HLCS: variants seen among roughly 807,000 people sequenced by gnomAD.
The protein encoded by HLCS is biotin--protein ligase.
In HLCS, 53 loss-of-function variants were observed where a neutral mutation model predicts 75.0. The ratio of observed to expected loss-of-function variants is 0.71; its 90% CI spans 0.57 to 0.89. The LOEUF (loss-of-function observed/expected upper bound fraction) is 0.89, where lower values mean the gene tolerates loss of function less well. Among genes scored for constraint, HLCS ranks in the 40% least tolerant of loss-of-function variants. HLCS has a pLI of 0.00. For synonymous variants in HLCS, 431 were observed against 428.6 expected (o/e 1.01, Z -0.07); for missense variants, 966 against 1,074.0 (o/e 0.90, Z 1.41).
intron 6 of HLCS, among the ~76,000 whole-genome samples, chr21:36,884,041 C>T (rs2064343769): frequency 6.6e-6 from 1 of 152,202 alleles, no homozygotes. Context: ...TTCACATGGT[C>T]ACCCAGACCC....
chr21:36,873,141 CAG>C (rs1296764567), intron 6 of HLCS, among the ~76,000 whole-genome samples: 1 of 151,014 alleles, frequency 6.6e-6, no homozygotes, highest in Non-Finnish European at 1.5e-5. Context: ...TTGTTTGAGA[CAG>C]AGTCTCGCTC....
intron 6 of HLCS, among the ~76,000 whole-genome samples, chr21:36,875,784 T>C (rs915445301): frequency 6.6e-6 from 1 of 152,204 alleles, no homozygotes; most frequent in African/African-American, 2.4e-5. Flanking sequence ...AAGAGAGCTG[T>C]AACACAAACA....
At chr21:36,766,942 C>T (rs1400929584) in intron 7 of HLCS, among the ~76,000 whole-genome samples, 2 of 152,178 alleles carry the variant, frequency 1.3e-5, no homozygotes, top group African/African-American at 4.8e-5. Context: ...ATTGGAAAGC[C>T]CGGAATTCAT....
chr21:36,858,339 A>T (rs1350265139), intron 6 of HLCS, among the ~76,000 whole-genome samples: 1 of 152,114 alleles, frequency 6.6e-6, no homozygotes, highest in Non-Finnish European at 1.5e-5. Context: ...CTAGCTAAAC[A>T]TTACTTGAAA....
At chr21:36,789,594 A>T (rs1228544357) in intron 6 of HLCS, among the ~76,000 whole-genome samples, 1 of 152,202 alleles carries the variant, frequency 6.6e-6, no homozygotes, top group Non-Finnish European at 1.5e-5. Context: ...CCATGGTTGG[A>T]AGTGTACAGG....
rs182296246 is a variant in HLCS at position 36,936,860 on chromosome 21, A to G, written c.1026T>C (p.Tyr342=). 6.2e-7 allele frequency: 1 copy of G among 1,614,180 alleles called. No homozygotes were observed. The highest frequency in any genetic ancestry group is 2.2e-5 in the East Asian group (1 of 44,864). ...VLADCVDIDS[Y]ILYHLLEDSA... The stretch of plus-strand genomic sequence containing the variant: ...TGTCCTCCAGCAGGTGGTAGAGAAT[A>G]TAACTGTCAATGTCCACACAGTCGG... Residue 342 remains tyrosine (Y), a synonymous_variant, in exon 4 of 11, where the codon TAT becomes TAC. Coordinates refer to ENST00000674895, the MANE Select transcript of HLCS (RefSeq NM_001352514.2).
chr21:36,839,346 G>C (rs2062536277), intron 6 of HLCS, among the ~76,000 whole-genome samples: 1 of 151,204 alleles, frequency 6.6e-6, no homozygotes, highest in Non-Finnish European at 1.5e-5. Flanking sequence ...ATCTTCTTTG[G>C]AGTCACATGC....
In HLCS at chr21:36,981,395, C is replaced by CTTTTTTTT. The variant is rs11328067; in HGVS notation, c.-393+8755_-393+8762dup. ...ATTAATCTATTAACTCTTAACCTTC[C>CTTTTTTTT]TTTTTTTTTTTTTTTTTTTTTTTGA... On this transcript the variant is annotated intron_variant, in intron 1 of 11. Transcript: ENST00000336648. Among the ~76,000 whole-genome samples the CTTTTTTTT allele has an allele frequency of 1.3e-4, 12 of 91,298 alleles. 1 individual carries two copies. The highest frequency in any genetic ancestry group is 7.1e-4 in the East Asian group (2 of 2,814). 59.9% of individuals were successfully genotyped at this position (91,298 alleles called of 152,430 possible). A position where few individuals can be genotyped will look rare whatever the true frequency, so the allele number is the denominator to read the frequency against.
chr21:36,862,797 G>A (rs2063424298), intron 6 of HLCS, among the ~76,000 whole-genome samples: 1 of 152,116 alleles, frequency 6.6e-6, no homozygotes, highest in African/African-American at 2.4e-5. Flanking sequence ...CCTGGAAGGG[G>A]AAGGAAGAGG....
intron 6 of HLCS, among the ~76,000 whole-genome samples, chr21:36,837,592 C>CAA (rs1327657829): frequency 1.1e-4 from 17 of 152,082 alleles, no homozygotes; most frequent in Admixed American, 1.1e-3. Context: ...TCTTTAATAT[C>CAA]AAACTCACAA....
intron 1 of HLCS, among the ~76,000 whole-genome samples, chr21:36,962,919 C>A (rs762230092): frequency 3.9e-5 from 6 of 152,024 alleles, no homozygotes; most frequent in Non-Finnish European, 5.9e-5. Context: ...GCACAGGGCA[C>A]CAGGCAGTTT....
chr21:36,931,115 C>G (rs1446079878), intron 4 of HLCS, among the ~76,000 whole-genome samples: 2 of 152,052 alleles, frequency 1.3e-5, no homozygotes, highest in African/African-American at 4.8e-5. Flanking sequence ...GAAACCCTGT[C>G]TCTACTAAAA....
chr21:36,935,093 A>T (rs2066818218), intron 4 of HLCS, among the ~76,000 whole-genome samples: 1 of 152,230 alleles, frequency 6.6e-6, no homozygotes, highest in South Asian at 2.1e-4. Flanking sequence ...TTCTAGTACA[A>T]GTCTGTGCTC....
intron 2 of HLCS, among the ~76,000 whole-genome samples, chr21:36,954,165 G>A (rs146935557): frequency 0.021 from 3,170 of 152,142 alleles, 118 homozygotes; most frequent in African/African-American, 0.069. Context: ...AATTAGCCGG[G>A]CATGGTGGCT....
At chr21:36,767,332 C>G (rs1359394968) in intron 6 of HLCS, 47 bp from the exon 7 acceptor site, 4 of 1,563,042 alleles carry the variant, frequency 2.6e-6, no homozygotes, top group Non-Finnish European at 3.5e-6. Flanking sequence ...TGGACACGCC[C>G]GCGGCACCAA....
chr21:36,923,758 G>A (rs976016454), intron 5 of HLCS, among the ~76,000 whole-genome samples: 2 of 152,124 alleles, frequency 1.3e-5, no homozygotes, highest in African/African-American at 4.8e-5. Context: ...AACCCCCCAA[G>A]TATGATTTCT....
At chr21:36,928,040 C>T (rs1249632122) in intron 5 of HLCS, among the ~76,000 whole-genome samples, 1 of 152,102 alleles carries the variant, frequency 6.6e-6, no homozygotes, top group Non-Finnish European at 1.5e-5. Flanking sequence ...AGCACAAACC[C>T]AATTCCATTC....
At chr21:36,921,274 G>A (rs745733896) in intron 5 of HLCS, among the ~76,000 whole-genome samples, 4 of 152,088 alleles carry the variant, frequency 2.6e-5, no homozygotes, top group Non-Finnish European at 4.4e-5. Context: ...GTGAAACCCC[G>A]TCTCTACTAA....
Position 36,906,677 on chromosome 21 carries a change from CTT to C in HLCS, c.1621-9548_1621-9547del, listed in dbSNP as rs59652867. ...TAATCCCAGTCAAAATCCCAGAAGG[CTT>C]TTTTTTTTTTTTTTTGTAGAAATTA... On this transcript the variant is annotated intron_variant, in intron 5 of 10. Coordinates refer to ENST00000674895, the MANE Select transcript of HLCS (RefSeq NM_001352514.2). 3.8e-3 allele frequency among the ~76,000 whole-genome samples: 493 copies of C among 131,324 alleles called. 2 individuals are homozygous for C. Among genetic ancestry groups the C allele is most frequent in the African/African-American group, 0.01 (363 of 35,674 alleles). The allele number at this position is 131,324 out of a possible 152,430, so 86.2% of individuals were successfully genotyped here.
Sources: allele counts gnomAD v4.1 joint callset (sites outside exome capture counted in the v4.1 genomes callset), GRCh38; gene constraint gnomAD v4.1.1; transcripts MANE v1.5; gene names NCBI Gene and HGNC (gene_info 2026-07-23, HGNC 2026-07-21).